Variants in PRKN observed in about 807,000 individuals in gnomAD.
The protein encoded by PRKN is E3 ubiquitin-protein ligase parkin.
A neutral mutation model predicts 59.5 loss-of-function variants in PRKN; 56 were observed. The ratio of observed to expected loss-of-function variants is 0.94; its 90% CI spans 0.76 to 1.18. The LOEUF is 1.18. Ranked by LOEUF, PRKN falls within the 50% of genes most tolerant of loss-of-function variation. The pLI is 0.00. For synonymous variants in PRKN, 250 were observed against 222.1 expected (o/e 1.13, Z -1.12); for missense variants, 657 against 596.4 (o/e 1.10, Z -1.06).
At chr6:162,094,598 A>G (rs1779653209) in intron 4 of PRKN, among the ~76,000 whole-genome samples, 1 of 152,018 alleles carries the variant, frequency 6.6e-6, no homozygotes, top group African/African-American at 2.4e-5. Flanking sequence ...TATTTGAAGG[A>G]CTTTGAATGT....
At chr6:162,404,369 GAAAAAAAA>G (rs1242287906) in intron 2 of PRKN, among the ~76,000 whole-genome samples, 1 of 133,892 alleles carries the variant, frequency 7.5e-6, no homozygotes, top group Admixed American at 7.6e-5. Context: ...GACTCTGTCA[GAAAAAAAA>G]AAAAAGAAAG....
intron 1 of PRKN, among the ~76,000 whole-genome samples, chr6:162,600,949 T>C (rs1034561973): frequency 6.6e-6 from 1 of 152,206 alleles, no homozygotes; most frequent in Non-Finnish European, 1.5e-5. Flanking sequence ...CATTTCTTTA[T>C]AGTAGCGTAA....
chr6:162,561,628 G>T (rs906413246), intron 1 of PRKN, among the ~76,000 whole-genome samples: 1 of 152,148 alleles, frequency 6.6e-6, no homozygotes, highest in Non-Finnish European at 1.5e-5. Context: ...TCCCTTACTG[G>T]GGGCGAAGAG....
At chr6:162,707,572 C>T (rs985110185) in intron 1 of PRKN, among the ~76,000 whole-genome samples, 3 of 132,918 alleles carry the variant, frequency 2.3e-5, no homozygotes, top group Non-Finnish European at 3.1e-5. Context: ...GAAACAGCAT[C>T]ACTATTTTTT....
chr6:161,893,042 C>T (rs1404298153), intron 6 of PRKN, among the ~76,000 whole-genome samples: 1 of 152,198 alleles, frequency 6.6e-6, no homozygotes, highest in Non-Finnish European at 1.5e-5. Flanking sequence ...GGGGTTTCAC[C>T]ATCTTGGCCA....
In PRKN at chr6:161,352,755, G is replaced by GTATATATATATATATATATATA. The variant is rs1554251151; in HGVS notation, c.1286-2545_1286-2544insTATATATATATATATATATATA. On this transcript the variant is annotated intron_variant, in intron 11 of 11. Transcript: ENST00000366898. This position sits in a 1 kb window ranked among gnomAD's most constrained non-coding sequence, Gnocchi z 5.8. ...TGTGTGTGTGTGTGTGTGTGTGTGT[G>GTATATATATATATATATATATA]TATATATATATATATATTTTATTTT... Among the ~76,000 whole-genome samples, 23 of 134,360 alleles carry GTATATATATATATATATATATA rather than the reference G, an allele frequency of 1.7e-4. No individual in the cohort carries two copies. Among genetic ancestry groups the GTATATATATATATATATATATA allele is most frequent in the African/African-American group, 6.4e-4 (23 of 35,770 alleles). The allele number at this position is 134,360 out of a possible 152,430, so 88.1% of individuals were successfully genotyped here. A position where few individuals can be genotyped will look rare whatever the true frequency, so the allele number is the denominator to read the frequency against.
chr6:161,842,867 G>A (rs886792472), intron 6 of PRKN, among the ~76,000 whole-genome samples: 1 of 152,128 alleles, frequency 6.6e-6, no homozygotes, highest in Non-Finnish European at 1.5e-5. Flanking sequence ...TCTTTATTCT[G>A]CCTGAGGATG....
intron 6 of PRKN, among the ~76,000 whole-genome samples, chr6:161,925,823 C>T (rs1041826007): frequency 1.3e-5 from 2 of 152,160 alleles, no homozygotes; most frequent in African/African-American, 2.4e-5. Flanking sequence ...AAGACATCCT[C>T]CTTCTTTGCT....
In PRKN at chr6:162,314,483, T is replaced by C. The variant is rs149848230; in HGVS notation, c.172-51718A>G. Among the ~76,000 whole-genome samples, 204 of 152,272 alleles carry C rather than the reference T, an allele frequency of 1.3e-3. 2 individuals are homozygous for C. Among genetic ancestry groups the C allele is most frequent in the African/African-American group, 4.6e-3 (192 of 41,560 alleles). On this transcript the variant is annotated intron_variant, in intron 2 of 11. Coordinates refer to ENST00000366898, the MANE Select transcript of PRKN (RefSeq NM_004562.3). The stretch of plus-strand genomic sequence containing the variant: ...TGCCCTTTAGAGTAATTTAAACAGA[T>C]GCCTTAACATTTCCACATGCAAGAT...
Position 161,561,396 on chromosome 6 carries a change from A to G in PRKN, c.933+7959T>C, listed in dbSNP as rs766981718. Among the ~76,000 whole-genome samples, 2 of 152,148 alleles carry G rather than the reference A, an allele frequency of 1.3e-5. No homozygotes were observed. Among genetic ancestry groups the G allele is most frequent in the African/African-American group, 2.4e-5 (1 of 41,414 alleles). ...ATCCATACTTTATATTTCACTGAGG[A>G]GAGAGGAATCATGGCTGATGTCCTG... is the stretch of plus-strand genomic sequence containing the variant. On this transcript the variant is annotated intron_variant, in intron 8 of 11. Coordinates refer to ENST00000366898, the MANE Select transcript of PRKN (RefSeq NM_004562.3). The surrounding 1 kb of genome is among the most constrained non-coding windows in gnomAD (Gnocchi z 5.0).
intron 6 of PRKN, among the ~76,000 whole-genome samples, chr6:161,868,995 T>C (rs1307809264): frequency 6.6e-6 from 1 of 152,204 alleles, no homozygotes; most frequent in African/African-American, 2.4e-5. Context: ...ATAAATAGTC[T>C]ATAAATAATA....
chr6:161,998,784 G>A (rs998920781), intron 5 of PRKN, among the ~76,000 whole-genome samples: 2 of 152,120 alleles, frequency 1.3e-5, no homozygotes, highest in African/African-American at 2.4e-5. Flanking sequence ...GTGTAAATTT[G>A]TCATCGGGTC....
At position 161,549,118 on chromosome 6, in the gene PRKN, AT is replaced by A; in HGVS notation, c.934-116del. 5 of 872,848 alleles carry A rather than the reference AT, an allele frequency of 5.7e-6. No individual in the cohort carries two copies. The Admixed American group carries it at 6.1e-5, about 11-fold the overall frequency. The allele number at this position is 872,848 out of a possible 1,614,324, so 54.1% of individuals were successfully genotyped here. ...TTAACCAGTTTCAGTAAAATAATGC[AT>A]GTGTGTGTGTGTGTGTGTGTGTAGG... On this transcript the variant is annotated intron_variant, in intron 8 of 11. Coordinates refer to ENST00000366898, the MANE Select transcript of PRKN (RefSeq NM_004562.3). This position sits in a 1 kb window ranked among gnomAD's most constrained non-coding sequence, Gnocchi z 6.0.
chr6:162,396,405 C>T (rs985277990), intron 2 of PRKN, among the ~76,000 whole-genome samples: 18 of 152,010 alleles, frequency 1.2e-4, no homozygotes, highest in Non-Finnish European at 2.2e-4. Context: ...TTAGGTGGGA[C>T]GTGTCACTAG....
At chr6:161,777,639 G>T (rs9458368) in intron 7 of PRKN, among the ~76,000 whole-genome samples, 57,108 of 142,982 alleles carry the variant, frequency 0.4, 11,723 homozygotes, top group South Asian at 0.52. Flanking sequence ...TAACTCTACG[G>T]ATATTCTCAT....
intron 9 of PRKN, among the ~76,000 whole-genome samples, chr6:161,411,172 T>C (rs917416978): frequency 6.6e-6 from 1 of 152,148 alleles, no homozygotes; most frequent in Non-Finnish European, 1.5e-5. Flanking sequence ...GTGACATGGC[T>C]TGGCTGTGTC....
At chr6:162,674,314 G>A (rs953588127) in intron 1 of PRKN, among the ~76,000 whole-genome samples, 23 of 152,280 alleles carry the variant, frequency 1.5e-4, no homozygotes, top group Middle Eastern at 6.8e-3. Flanking sequence ...CAGGTGACAT[G>A]CATAGAATAG....
intron 6 of PRKN, among the ~76,000 whole-genome samples, chr6:161,904,251 A>C (rs956577689): frequency 1.3e-5 from 2 of 151,996 alleles, no homozygotes; most frequent in African/African-American, 2.4e-5. Context: ...GGGGGAAAAA[A>C]ATAGCCAGAC....
chr6:162,604,188 G>A (rs951902109), intron 1 of PRKN, among the ~76,000 whole-genome samples: 25 of 152,148 alleles, frequency 1.6e-4, no homozygotes, highest in Non-Finnish European at 3.5e-4. Flanking sequence ...GCAAGTACCT[G>A]CTTTCATAAA....
Sources: gnomAD v4.1 joint callset for allele counts (sites outside exome capture counted in the v4.1 genomes callset) on GRCh38, gnomAD v4.1.1 for gene constraint, Gnocchi (gnomAD v3.1) non-coding constraint, MANE v1.5 for transcripts, NCBI Gene and HGNC (gene_info 2026-07-23, HGNC 2026-07-21) for gene names.